Variants in SLC9A9 observed in about 807,000 individuals in gnomAD.
The protein encoded by SLC9A9 is sodium/hydrogen exchanger 9.
A neutral mutation model predicts 77.8 loss-of-function variants in SLC9A9; 62 were observed. The ratio of observed to expected loss-of-function variants is 0.80; its 90% confidence interval spans 0.65 to 0.98. The LOEUF (loss-of-function observed/expected upper bound fraction) is 0.98. Ranked by LOEUF, SLC9A9 falls within the 50% of genes least tolerant of loss-of-function variation. SLC9A9 has a pLI of 0.00. For missense variants in SLC9A9, 775 were observed against 774.9 expected, an observed-to-expected ratio of 1.00 and a Z score of 0.00; for synonymous variants, 320 against 283.5, an observed-to-expected ratio of 1.13 and a Z score of -1.29.
At chr3:143,825,485 A>G (rs892949701) in intron 2 of SLC9A9, among the ~76,000 whole-genome samples, 1 of 152,168 alleles carries the variant, frequency 6.6e-6, no homozygotes, top group Admixed American at 6.5e-5. Flanking sequence ...TCAAAAACAA[A>G]ATTACTTTTA....
chr3:143,569,187 A>C (rs1291736552), intron 8 of SLC9A9, among the ~76,000 whole-genome samples: 3 of 151,902 alleles, frequency 2.0e-5, no homozygotes, highest in Non-Finnish European at 4.4e-5. Flanking sequence ...TTCCAAGTCC[A>C]TCAGGAATAA....
At chr3:143,822,583 C>T (rs984902645) in intron 2 of SLC9A9, among the ~76,000 whole-genome samples, 1 of 152,180 alleles carries the variant, frequency 6.6e-6, no homozygotes, top group Non-Finnish European at 1.5e-5. Flanking sequence ...CTACCTCAGG[C>T]TGTATCTGTT....
rs575648431 is a variant in SLC9A9 at position 143,485,750 on chromosome 3, AT to A, written c.1315+7902del. The stretch of plus-strand genomic sequence containing the variant: ...AGTATGGCCATTCAAAGTAAAAAAA[AT>A]AACAGAAACTATCCCTGAAAAAGAC... On this transcript the variant is annotated intron_variant, in intron 11 of 15. Coordinates refer to ENST00000316549, the MANE Select transcript of SLC9A9 (RefSeq NM_173653.4). Among the ~76,000 whole-genome samples the A allele has an allele frequency of 6.6e-5, 10 of 152,326 alleles. 1 individual carries two copies. In the South Asian group the frequency reaches 1.9e-3, roughly 28 times the overall value.
intron 6 of SLC9A9, among the ~76,000 whole-genome samples, chr3:143,623,051 C>A (rs1430961390): frequency 6.6e-6 from 1 of 152,170 alleles, no homozygotes; most frequent in African/African-American, 2.4e-5. Context: ...ATCAATTCAA[C>A]AAGAAGAGCT....
At chr3:143,380,411 C>T (rs1252464476) in intron 13 of SLC9A9, among the ~76,000 whole-genome samples, 8 of 151,702 alleles carry the variant, frequency 5.3e-5, no homozygotes, top group Non-Finnish European at 1.2e-4. Context: ...ATAATTGTGT[C>T]TTTTCTTCTT....
chr3:143,829,997 G>C (rs1180954669), intron 2 of SLC9A9, among the ~76,000 whole-genome samples: 1 of 152,172 alleles, frequency 6.6e-6, no homozygotes, highest in Non-Finnish European at 1.5e-5. Context: ...TCCTAACTTT[G>C]TTTAAACATT....
intron 12 of SLC9A9, among the ~76,000 whole-genome samples, chr3:143,431,568 C>T (rs1234444025): frequency 4.0e-5 from 6 of 151,482 alleles, no homozygotes; most frequent in East Asian, 3.9e-4. Context: ...CTGCAAGCTC[C>T]GCCTCCCAGG....
intron 6 of SLC9A9, among the ~76,000 whole-genome samples, chr3:143,631,125 C>G (rs1411445562): frequency 1.3e-5 from 2 of 152,080 alleles, no homozygotes; most frequent in African/African-American, 2.4e-5. Flanking sequence ...TAAATCAATA[C>G]CCAATTACTT....
chr3:143,462,909 T>C (rs1006310815), intron 12 of SLC9A9, among the ~76,000 whole-genome samples: 2 of 152,228 alleles, frequency 1.3e-5, no homozygotes, highest in Non-Finnish European at 2.9e-5. Flanking sequence ...AGCCTGATTC[T>C]GCAGCCTGGC....
chr3:143,755,486 T>G (rs946613534), intron 4 of SLC9A9, among the ~76,000 whole-genome samples: 15 of 152,144 alleles, frequency 9.9e-5, no homozygotes, highest in African/African-American at 3.6e-4. Flanking sequence ...CCTTGATCAC[T>G]GTCATTTAAT....
In SLC9A9 at chr3:143,522,960, A is replaced by G. The variant is rs72993905; in HGVS notation, c.1090-27512T>C. On this transcript the variant is annotated intron_variant, in intron 9 of 15. Coordinates refer to ENST00000316549, the MANE Select transcript of SLC9A9 (RefSeq NM_173653.4). ...AGGCCCACTGCCTGCCTCCCATTAC[A>G]TGCACCTCCTGATTCTCATTAGGCC... is the stretch of plus-strand genomic sequence containing the variant. Among the ~76,000 whole-genome samples, 445 of 152,206 alleles carry G rather than the reference A, an allele frequency of 2.9e-3. 3 individuals are homozygous for G. The highest frequency in any genetic ancestry group is 9.9e-3 in the African/African-American group (410 of 41,548).
At chr3:143,622,045 T>C (rs370618677) in intron 6 of SLC9A9, among the ~76,000 whole-genome samples, 11 of 151,748 alleles carry the variant, frequency 7.2e-5, no homozygotes, top group Non-Finnish European at 1.3e-4. Context: ...TGAAATGAAG[T>C]GAGAAGAGAA....
chr3:143,379,803 T>A (rs895099371), intron 13 of SLC9A9, among the ~76,000 whole-genome samples: 1 of 152,232 alleles, frequency 6.6e-6, no homozygotes, highest in African/African-American at 2.4e-5. Flanking sequence ...ATGGTTTGAC[T>A]ACAGTAAGTC....
chr3:143,732,564 C>T (rs4839605), intron 4 of SLC9A9, among the ~76,000 whole-genome samples: 2 of 152,202 alleles, frequency 1.3e-5, no homozygotes, highest in African/African-American at 2.4e-5. Context: ...CCATGAGAAT[C>T]TCAAGTGTGG....
intron 9 of SLC9A9, among the ~76,000 whole-genome samples, chr3:143,550,715 C>T (rs1269139243): frequency 2.0e-5 from 3 of 152,136 alleles, no homozygotes; most frequent in Admixed American, 1.3e-4. Flanking sequence ...CTGAAGCTTG[C>T]AGGTATGTGA....
intron 14 of SLC9A9, among the ~76,000 whole-genome samples, chr3:143,293,959 A>C (rs1425299461): frequency 6.6e-6 from 1 of 152,222 alleles, no homozygotes; most frequent in African/African-American, 2.4e-5. Context: ...CACATCTATA[A>C]AAACAAATAG....
intron 14 of SLC9A9, among the ~76,000 whole-genome samples, chr3:143,358,791 C>A (rs967648538): frequency 5.9e-5 from 9 of 152,176 alleles, no homozygotes; most frequent in African/African-American, 1.7e-4. Context: ...GGTGGCTTTA[C>A]AATTTTGAGT....
intron 5 of SLC9A9, among the ~76,000 whole-genome samples, chr3:143,655,928 A>C (rs1423991849): frequency 6.6e-6 from 1 of 152,232 alleles, no homozygotes; most frequent in African/African-American, 2.4e-5. Context: ...GGTCTAAGTG[A>C]GGCTTTCTCT....
At chr3:143,371,007 C>G (rs945883194) in intron 13 of SLC9A9, among the ~76,000 whole-genome samples, 2 of 151,842 alleles carry the variant, frequency 1.3e-5, no homozygotes, top group African/African-American at 4.8e-5. Flanking sequence ...AGTTGAAGAG[C>G]TACAGATGGG....
Sources: gnomAD v4.1 joint callset for allele counts (sites outside exome capture counted in the v4.1 genomes callset) on GRCh38, gnomAD v4.1.1 for gene constraint, MANE v1.5 for transcripts, NCBI Gene and HGNC (gene_info 2026-07-23, HGNC 2026-07-21) for gene names.